Variants in RRAGD observed in about 807,000 individuals in gnomAD.
RRAGD encodes the protein Ras related GTP binding D, also known as ras-related GTP-binding protein D.
Under a neutral mutation model 35.5 loss-of-function variants are expected in RRAGD, and 12 were observed. That is an observed-to-expected ratio of 0.34 (90% CI 0.22 to 0.55). RRAGD has a LOEUF of 0.55. Ranked by LOEUF, RRAGD falls within the 20% of genes least tolerant of loss-of-function variation. The pLI, the probability that RRAGD is intolerant of heterozygous loss-of-function variation, is 0.91. For missense variants in RRAGD, 324 were observed against 490.1 expected (o/e 0.66, Z 3.20); for synonymous variants, 155 against 178.9 (o/e 0.87, Z 1.07).
intron 1 of RRAGD, 26 bp from the exon 2 acceptor site, chr6:89,387,616 A>C: frequency 1.3e-6 from 2 of 1,594,604 alleles, no homozygotes; most frequent in Non-Finnish European, 1.7e-6. Context: ...AATGAGAATG[A>C]AGGTGAGATG....
chr6:89,406,877 C>T (rs1769590118), intron 1 of RRAGD, among the ~76,000 whole-genome samples: 1 of 152,216 alleles, frequency 6.6e-6, no homozygotes, highest in Non-Finnish European at 1.5e-5. Flanking sequence ...AGCCCCACAG[C>T]TTGCCTGTCT....
chr6:89,380,678 C>A (rs999717747), intron 2 of RRAGD, among the ~76,000 whole-genome samples: 2 of 152,092 alleles, frequency 1.3e-5, no homozygotes, highest in Non-Finnish European at 2.9e-5. Context: ...GAGGCCCAGG[C>A]AGGTGGATCA....
chr6:89,400,545 T>C (rs1319884258), intron 1 of RRAGD, among the ~76,000 whole-genome samples: 2 of 151,394 alleles, frequency 1.3e-5, no homozygotes, highest in Non-Finnish European at 2.9e-5. Flanking sequence ...CTGGGTAGCT[T>C]AGCCCAGGTA....
In RRAGD at chr6:89,372,460, C is replaced by G. The variant is rs774195946; in HGVS notation, c.1028G>C (p.Arg343Thr). 2 of 1,613,682 alleles carry G rather than the reference C, an allele frequency of 1.2e-6. No individual in the cohort carries two copies. The highest frequency in any genetic ancestry group is 1.7e-6 in the Non-Finnish European group (2 of 1,179,854). ...TKFLALVCFV[R>T]EESFERKGLI... ...ACCTTTTCTTTCAAAGCTTTCCTCT[C>G]TGACAAAGCAAACGAGAGCCAGGAA... Residue 343 changes from arginine to threonine, a missense_variant, in exon 6 of 7, where the codon AGA (arginine) becomes ACA (threonine). Coordinates refer to ENST00000369415, the MANE Select transcript of RRAGD (RefSeq NM_021244.5).
At chr6:89,389,356 C>A (rs1050866151) in intron 1 of RRAGD, among the ~76,000 whole-genome samples, 16 of 152,088 alleles carry the variant, frequency 1.1e-4, no homozygotes, top group African/African-American at 3.9e-4. Flanking sequence ...CAGATCAAGA[C>A]CACCCTGGCT....
intron 1 of RRAGD, among the ~76,000 whole-genome samples, chr6:89,407,348 A>C (rs1769601012): frequency 6.6e-6 from 1 of 152,182 alleles, no homozygotes; most frequent in African/African-American, 2.4e-5. Flanking sequence ...GAGAAGAAAG[A>C]AGGAAGAGGC....
At chr6:89,388,929 C>G (rs1281827511) in intron 1 of RRAGD, among the ~76,000 whole-genome samples, 1 of 152,202 alleles carries the variant, frequency 6.6e-6, no homozygotes, top group Non-Finnish European at 1.5e-5. Context: ...CAGTTCACAA[C>G]AGGGTTTGCA....
At chr6:89,381,089 G>A (rs1023618558) in intron 2 of RRAGD, among the ~76,000 whole-genome samples, 2 of 152,174 alleles carry the variant, frequency 1.3e-5, no homozygotes, top group African/African-American at 4.8e-5. Context: ...AAGGAGCTGA[G>A]GAGCAATTTT....
intron 5 of RRAGD, among the ~76,000 whole-genome samples, chr6:89,377,392 T>C (rs555371946): frequency 2.4e-4 from 37 of 152,258 alleles, no homozygotes; most frequent in African/African-American, 8.9e-4. Flanking sequence ...GGTGAGAGGA[T>C]CATTTGAGCC....
chr6:89,379,087 G>A (rs765411236), intron 4 of RRAGD, 137 bp downstream of exon 4: 23 of 533,928 alleles, frequency 4.3e-5, no homozygotes, highest in South Asian at 1.7e-4. Context: ...AAAAGAACAC[G>A]TAGGAGTAAT....
chr6:89,407,483 C>T (rs1260443076), intron 1 of RRAGD, among the ~76,000 whole-genome samples: 1 of 151,970 alleles, frequency 6.6e-6, no homozygotes, highest in Admixed American at 6.6e-5. Context: ...ACTAAAAATA[C>T]AAAAATTAGC....
intron 1 of RRAGD, among the ~76,000 whole-genome samples, chr6:89,408,023 G>A (rs1052114431): frequency 6.6e-6 from 1 of 152,122 alleles, no homozygotes; most frequent in African/African-American, 2.4e-5. Context: ...TTTACCTAAA[G>A]TTTAACTTTG....
Position 89,387,441 on chromosome 6 carries a change from T to C in RRAGD, c.298A>G (p.Ile100Val), listed in dbSNP as rs1161231604. ...CTGTTGGAAACATCTTCCCGGCATATCTTATTAGTGCTCTCCAAGAACAGA... is the reference window on the plus strand; with the variant it reads ...CTGTTGGAAACATCTTCCCGGCATACCTTATTAGTGCTCTCCAAGAACAGA... ...ETLFLESTNK[I>V]CREDVSNSSF... The change falls in exon 2 of 7, where the codon ATA becomes GTA. Residue 100 changes from isoleucine to valine, a missense_variant. This residue lies in a region of RRAGD where 152 missense variants were observed against 296.9 expected (regional missense o/e 0.51). Coordinates refer to ENST00000369415, the MANE Select transcript of RRAGD (RefSeq NM_021244.5). The C allele has an allele frequency of 4.3e-6, 7 of 1,614,170 alleles. No individual in the cohort carries two copies. Among genetic ancestry groups the C allele is most frequent in the Non-Finnish European group, 5.9e-6 (7 of 1,180,020 alleles).
chr6:89,402,038 A>ATTTTTTTTTTTTCTTTTTTTTT (rs61239155), intron 1 of RRAGD, among the ~76,000 whole-genome samples: 2 of 78,440 alleles, frequency 2.5e-5, no homozygotes, highest in African/African-American at 1.3e-4. Context: ...AATCCTAAGG[A>ATTTTTTTTTTTTCTTTTTTTTT]TTTTTTTTTT....
rs1301663347 is a variant in RRAGD at position 89,374,607 on chromosome 6, G to A, written c.903-2022C>T. Reference sequence around the variant, plus strand: ...TAGCTAGGCGTGGTAGTGCATGCCTGTAATCCCAGCTACTCGGGAGGCTGA... The same window carrying A: ...TAGCTAGGCGTGGTAGTGCATGCCTATAATCCCAGCTACTCGGGAGGCTGA... On this transcript the variant is annotated intron_variant, in intron 5 of 6. Coordinates refer to ENST00000369415, the MANE Select transcript of RRAGD (RefSeq NM_021244.5). 5.3e-5 allele frequency among the ~76,000 whole-genome samples: 8 copies of A among 152,174 alleles called. No homozygotes were observed. In the East Asian group the frequency reaches 1.5e-3, roughly 29 times the overall value.
chr6:89,405,046 T>C (rs1769549870), intron 1 of RRAGD, among the ~76,000 whole-genome samples: 2 of 152,116 alleles, frequency 1.3e-5, no homozygotes, highest in Non-Finnish European at 2.9e-5. Flanking sequence ...AACTATTTAA[T>C]GCAAGAATTA....
At chr6:89,372,356 A>G in intron 6 of RRAGD, 81 bp downstream of exon 6, 1 of 1,429,588 alleles carries the variant, frequency 7.0e-7, no homozygotes, top group Non-Finnish European at 9.5e-7. Context: ...GCTGTTGTCC[A>G]CCCACATTCA....
At chr6:89,378,752 C>T (rs6454755) in intron 4 of RRAGD, among the ~76,000 whole-genome samples, 11,805 of 152,206 alleles carry the variant, frequency 0.078, 1,090 homozygotes, top group East Asian at 0.27. Flanking sequence ...AGGAATGCAT[C>T]TGAGTAGTTA....
intron 2 of RRAGD, among the ~76,000 whole-genome samples, chr6:89,382,239 C>A (rs1393128537): frequency 6.6e-6 from 1 of 151,628 alleles, no homozygotes; most frequent in South Asian, 2.1e-4. Context: ...GAGGGAAAAA[C>A]CGCAAATGGA....
Sources: gnomAD v4.1 joint callset for allele counts (sites outside exome capture counted in the v4.1 genomes callset) on GRCh38, gnomAD v4.1.1 for gene constraint, gnomAD v4.1.1 regional missense constraint, MANE v1.5 for transcripts, NCBI Gene and HGNC (gene_info 2026-07-23, HGNC 2026-07-21) for gene names.